TRIM5: variants seen among roughly 807,000 people sequenced by gnomAD.
The protein encoded by TRIM5 is tripartite motif containing 5.
A neutral mutation model predicts 35.6 loss-of-function variants in TRIM5; 31 were observed. The observed-to-expected ratio is 0.87, with a 90% CI of 0.65 to 1.18. The LOEUF is 1.18. TRIM5 is among the 50% of genes most tolerant of loss of function. TRIM5 has a pLI of 0.00. For missense variants in TRIM5, 609 were observed against 591.6 expected, an observed-to-expected ratio of 1.03 and a Z score of -0.31; for synonymous variants, 243 against 215.6, an observed-to-expected ratio of 1.13 and a Z score of -1.11.
chr11:5,607,624 T>A, the TRIM5 span, among the ~76,000 whole-genome samples: 18 of 152,124 alleles, frequency 1.2e-4, no homozygotes, highest in African/African-American at 3.6e-4. Context: ...GGTGACCAAA[T>A]GAAATTGAGG....
At chr11:5,620,632 T>G in the TRIM5 span, among the ~76,000 whole-genome samples, 1 of 151,612 alleles carries the variant, frequency 6.6e-6, no homozygotes, top group African/African-American at 2.4e-5. Context: ...TCACTTTCTC[T>G]GTCTGCCCAG....
the TRIM5 span, among the ~76,000 whole-genome samples, chr11:5,656,412 G>A: frequency 6.7e-6 from 1 of 149,906 alleles, no homozygotes; most frequent in Non-Finnish European, 1.5e-5. Context: ...AGAGTGCAGT[G>A]GTGTGATCTT....
At chr11:5,603,496 A>G in the TRIM5 span, 1 of 1,614,142 alleles carries the variant, frequency 6.2e-7, no homozygotes, top group Non-Finnish European at 8.5e-7. Flanking sequence ...GTGCCAGACC[A>G]GCTACCAGCC....
chr11:5,662,258 T>C (rs1055968662), downstream of TRIM5, among the ~76,000 whole-genome samples: 18 of 152,134 alleles, frequency 1.2e-4, no homozygotes, highest in African/African-American at 4.3e-4. Context: ...TTTGATGAGG[T>C]AGACCATTAA....
chr11:5,603,792 C>A, the TRIM5 span: 2 of 1,585,948 alleles, frequency 1.3e-6, no homozygotes, highest in Non-Finnish European at 8.6e-7. Context: ...CAGGTTTTAA[C>A]GTTTTATCAT....
Position 5,663,609 on chromosome 11 carries a change from G to A in TRIM5, c.*1200C>T. 1 of 950,864 alleles carries A rather than the reference G, an allele frequency of 1.1e-6. No individual in the cohort carries two copies. Among genetic ancestry groups the A allele is most frequent in the Non-Finnish European group, 1.3e-6 (1 of 798,230 alleles). The allele number at this position is 950,864 out of a possible 1,614,324, so 58.9% of individuals were successfully genotyped here. On this transcript the variant is annotated 3_prime_UTR_variant, in exon 8 of 8. Coordinates refer to ENST00000380034, the MANE Select transcript of TRIM5 (RefSeq NM_033034.3). The stretch of plus-strand genomic sequence containing the variant: ...TTTTTCACAATGATCCAAAGTATTA[G>A]ATGAAGGTTTTTTGTTTTATTTTGC...
chr11:5,591,430 C>T, the TRIM5 span, among the ~76,000 whole-genome samples: 1 of 152,140 alleles, frequency 6.6e-6, no homozygotes. Context: ...GGGCAGATCA[C>T]CTGAGGTCAA....
At chr11:5,610,090 G>T in the TRIM5 span, 2 of 1,588,180 alleles carry the variant, frequency 1.3e-6, no homozygotes, top group Non-Finnish European at 1.7e-6. Flanking sequence ...GGAGATGGGT[G>T]GTGGAGGAAC....
At chr11:5,623,100 T>A in the TRIM5 span, among the ~76,000 whole-genome samples, 1 of 140,870 alleles carries the variant, frequency 7.1e-6, no homozygotes, top group South Asian at 2.3e-4. Flanking sequence ...GAGTTCTGTC[T>A]GGAGCTTTTT....
the TRIM5 span, chr11:5,610,185 A>G: frequency 2.5e-6 from 4 of 1,614,182 alleles, no homozygotes; most frequent in East Asian, 6.7e-5. Flanking sequence ...AGCTCTCCCT[A>G]CAAAGCTGAG....
At chr11:5,608,318 G>A in the TRIM5 span, 26 of 1,608,854 alleles carry the variant, frequency 1.6e-5, no homozygotes, top group Non-Finnish European at 2.1e-5. Flanking sequence ...GGAGAAATGT[G>A]GATAAGGGCA....
the TRIM5 span, among the ~76,000 whole-genome samples, chr11:5,609,754 C>T: frequency 2.0e-5 from 3 of 152,114 alleles, no homozygotes; most frequent in Admixed American, 2.0e-4. Context: ...AACCCTATCT[C>T]TACTAAATAT....
the TRIM5 span, chr11:5,595,129 C>T: frequency 6.6e-6 from 1 of 152,240 alleles, no homozygotes; most frequent in Non-Finnish European, 1.5e-5. Flanking sequence ...AGCTCTCTCC[C>T]TACTGCCCAA....
chr11:5,652,296 T>C, the TRIM5 span, among the ~76,000 whole-genome samples: 3 of 152,190 alleles, frequency 2.0e-5, no homozygotes, highest in East Asian at 5.8e-4. Flanking sequence ...TTATAAGTTT[T>C]AGGTTTTATA....
the TRIM5 span, chr11:5,611,603 A>C: frequency 2.6e-6 from 1 of 386,216 alleles, no homozygotes; most frequent in Non-Finnish European, 4.6e-6. Context: ...ACAGGCACCC[A>C]CCACCATGCC....
At chr11:5,591,305 A>G in the TRIM5 span, among the ~76,000 whole-genome samples, 1 of 152,218 alleles carries the variant, frequency 6.6e-6, no homozygotes, top group Non-Finnish European at 1.5e-5. Context: ...ATACCATGGC[A>G]CCTTTTGAGA....
chr11:5,653,181 A>C, the TRIM5 span, among the ~76,000 whole-genome samples: 2 of 152,004 alleles, frequency 1.3e-5, no homozygotes, highest in African/African-American at 4.8e-5. Context: ...AGTGTTTTCA[A>C]ATTCTCATTG....
chr11:5,678,443 A>G lies in TRIM5; in HGVS notation c.514-9T>C, dbSNP rs1852165083. The G allele has an allele frequency of 1.3e-6, 2 of 1,503,954 alleles. No individual in the cohort carries two copies. The highest frequency in any genetic ancestry group is 1.4e-5 in the African/African-American group (1 of 71,526). 93.2% of individuals were successfully genotyped at this position (1,503,954 alleles called of 1,614,324 possible). A position where few individuals can be genotyped will look rare whatever the true frequency, so the allele number is the denominator to read the frequency against. On this transcript the variant is annotated splice_polypyrimidine_tract_variant and intron_variant, in intron 3 of 7. Coordinates refer to ENST00000380034, the MANE Select transcript of TRIM5 (RefSeq NM_033034.3). ...TCATACTGTATTTGAGTCTTCAGAG[A>G]TAAGAGAAGAGAAAGGGGCACTCAG...
chr11:5,648,432 GGAGGTGGAGGTTGCAGT>G, the TRIM5 span, among the ~76,000 whole-genome samples: 70,457 of 151,782 alleles, frequency 0.46, 17,007 homozygotes, highest in Non-Finnish European at 0.5. Flanking sequence ...CGTGAACCTG[GGAGGTGGAGGTTGCAGT>G]GAGCCGAGAT....
Sources: gnomAD v4.1 joint callset for allele counts (sites outside exome capture counted in the v4.1 genomes callset) on GRCh38, gnomAD v4.1.1 for gene constraint, MANE v1.5 for transcripts, NCBI Gene and HGNC (gene_info 2026-07-23, HGNC 2026-07-21) for gene names.